WDFY3: variants seen among roughly 807,000 people sequenced by gnomAD.
The protein encoded by WDFY3 is WD repeat and FYVE domain-containing protein 3.
In WDFY3, 66 loss-of-function variants were observed where a neutral mutation model predicts 409.6. The observed-to-expected ratio is 0.16, with a 90% confidence interval of 0.13 to 0.20. The LOEUF (loss-of-function observed/expected upper bound fraction) is 0.20. Ranked by LOEUF, WDFY3 falls within the 10% of genes least tolerant of loss-of-function variation. The pLI is 1.00. For synonymous variants in WDFY3, 1,521 were observed against 1,537.1 expected (o/e 0.99, Z 0.25); for missense variants, 3,031 against 4,298.1 (o/e 0.71, Z 8.24).
chr4:84,787,623 C>T lies in WDFY3; in HGVS notation c.3760G>A (p.Ala1254Thr), dbSNP rs2149524951. 6.2e-7 allele frequency: 1 copy of T among 1,614,162 alleles called. No homozygotes were observed. The highest frequency in any genetic ancestry group is 1.3e-5 in the African/African-American group (1 of 75,032). ...TVYAYIGTPP[A>T]QRQIASLVWR... ...ACCAATGAGGCAATTTGGCGTTGGGCAGGTGGAGTACCAATGTAGGCATAG... is the reference window on the plus strand; with the variant it reads ...ACCAATGAGGCAATTTGGCGTTGGGTAGGTGGAGTACCAATGTAGGCATAG... The change falls in exon 23 of 68, where the codon GCC becomes ACC. Residue 1254 changes from alanine to threonine, a missense_variant. By Grantham distance (58) the Ala-to-Thr change is moderately conservative. Transcript: ENST00000295888.
rs1428081575 is a variant in WDFY3 at position 84,774,990 on chromosome 4, G to C, written c.4593-9C>G. ...CATTCTTTGAGGCTTCACTATAAGAGAAAGAAGATTTTATACACTGTACTA... is the reference window on the plus strand; with the variant it reads ...CATTCTTTGAGGCTTCACTATAAGACAAAGAAGATTTTATACACTGTACTA... On this transcript the variant is annotated splice_polypyrimidine_tract_variant and intron_variant, in intron 28 of 67. Coordinates refer to ENST00000295888, the MANE Select transcript of WDFY3 (RefSeq NM_014991.6). 1.2e-6 allele frequency: 2 copies of C among 1,613,404 alleles called. No individual in the cohort carries two copies. The highest frequency in any genetic ancestry group is 1.7e-6 in the Non-Finnish European group (2 of 1,179,744).
chr4:84,729,373 T>C (rs2149137324), intron 44 of WDFY3, among the ~76,000 whole-genome samples: 1 of 152,114 alleles, frequency 6.6e-6, no homozygotes. Flanking sequence ...TATAGTATAA[T>C]TCATTTGTTT....
intron 21 of WDFY3, among the ~76,000 whole-genome samples, chr4:84,791,196 T>C (rs971596829): frequency 3.9e-5 from 6 of 152,204 alleles, no homozygotes; most frequent in Admixed American, 2.0e-4. Context: ...ATGTGGTACA[T>C]ATATACAATG....
chr4:84,766,466 CT>C, intron 30 of WDFY3, 94 bp from the exon 31 acceptor site: 1 of 1,260,764 alleles, frequency 7.9e-7, no homozygotes, highest in Non-Finnish European at 1.1e-6. Flanking sequence ...AAAAATATAT[CT>C]TTTAGAAAAC....
intron 67 of WDFY3, among the ~76,000 whole-genome samples, chr4:84,676,220 A>G (rs980146491): frequency 6.6e-6 from 1 of 151,456 alleles, no homozygotes; most frequent in Admixed American, 6.6e-5. Context: ...CTCCTCAAGG[A>G]AAAAAAAAGG....
intron 2 of WDFY3, among the ~76,000 whole-genome samples, chr4:84,924,433 T>C (rs906261528): frequency 1.3e-5 from 2 of 152,226 alleles, no homozygotes; most frequent in Non-Finnish European, 2.9e-5. Flanking sequence ...ACAATAACCC[T>C]GTGTGAAGAA....
chr4:84,741,675 T>C, intron 38 of WDFY3, 86 bp downstream of exon 38: 1 of 1,327,190 alleles, frequency 7.5e-7, no homozygotes, highest in African/African-American at 1.5e-5. Context: ...CATTATCTTA[T>C]TAGTTATATT....
chr4:84,708,833 A>G, intron 53 of WDFY3, 76 bp downstream of exon 53: 2 of 1,525,800 alleles, frequency 1.3e-6, no homozygotes, highest in Non-Finnish European at 1.8e-6. Flanking sequence ...GAGCCACTGC[A>G]CCCCACTTCA....
chr4:84,718,967 G>A (rs369684955), intron 47 of WDFY3, among the ~76,000 whole-genome samples: 2 of 152,190 alleles, frequency 1.3e-5, no homozygotes, highest in African/African-American at 4.8e-5. Context: ...TGTGAGGCAA[G>A]ATGATACAGA....
At chr4:84,942,431 A>C (rs1202196355) in intron 1 of WDFY3, among the ~76,000 whole-genome samples, 1 of 152,226 alleles carries the variant, frequency 6.6e-6, no homozygotes, top group African/African-American at 2.4e-5. Flanking sequence ...ATGAAAGCTC[A>C]CTACCATTAT....
At position 84,677,322 on chromosome 4, in the gene WDFY3, C is replaced by T. The variant is rs369567418; in HGVS notation, c.10334G>A (p.Arg3445His). Reference protein sequence around the residue: ...FSWSVSDQPGRSAADHWVKDE... With the variant: ...FSWSVSDQPGHSAADHWVKDE... The stretch of plus-strand genomic sequence containing the variant: ...CTTCACCCAGTGATCAGCAGCAGAA[C>T]GGCCTGGCTGGTCACTCACAGACCA... The change falls in exon 67 of 68, where the codon CGT becomes CAT. Residue 3445 changes from arginine (R) to histidine (H), a missense_variant. Physicochemically the swap from Arg to His is conservative, Grantham distance 29. This residue lies in a region of WDFY3 where 378 missense variants were observed against 477.3 expected (regional missense o/e 0.79). Coordinates refer to ENST00000295888, the MANE Select transcript of WDFY3 (RefSeq NM_014991.6). 1.6e-5 allele frequency: 26 copies of T among 1,614,076 alleles called. No individual in the cohort carries two copies. The highest frequency in any genetic ancestry group is 4.0e-5 in the African/African-American group (3 of 74,920).
chr4:84,772,898 T>G lies in WDFY3; in HGVS notation c.4786A>C (p.Thr1596Pro). The change falls in exon 30 of 68, where the codon ACC becomes CCC. Residue 1596 changes from threonine (T) to proline (P), a missense_variant. Thr to Pro is a conservative substitution (Grantham distance 38). Transcript: ENST00000295888. ...ACAAATTTCTCACAAACCGCAAAGGTTGGCAAAGTAGAAGAAATAAACTGC... is the reference window on the plus strand; with the variant it reads ...ACAAATTTCTCACAAACCGCAAAGGGTGGCAAAGTAGAAGAAATAAACTGC... The part of the protein sequence containing the change: ...FGQFISSTLP[T>P]FAVCEKFVVM... The G allele has an allele frequency of 1.9e-6, 3 of 1,608,284 alleles. No individual in the cohort carries two copies. The highest frequency in any genetic ancestry group is 1.3e-5 in the African/African-American group (1 of 74,670).
chr4:84,808,184 AC>A (rs1048749127), intron 15 of WDFY3, 149 bp downstream of exon 15: 12 of 577,040 alleles, frequency 2.1e-5, no homozygotes, highest in Admixed American at 1.3e-4. Context: ...ATCTAAAAAC[AC>A]CCCCCAAAAC....
rs563291808 is a variant in WDFY3 at position 84,888,718 on chromosome 4, A to C, written c.-32+8193T>G. The stretch of plus-strand genomic sequence containing the variant: ...AGCTTGTACCAGCTTATGAGAGCCG[A>C]TGGCTAAATTTTCAGAAATTTTGGA... On this transcript the variant is annotated intron_variant, in intron 3 of 67. Coordinates refer to ENST00000295888, the MANE Select transcript of WDFY3 (RefSeq NM_014991.6). 8.5e-5 allele frequency among the ~76,000 whole-genome samples: 13 copies of C among 152,306 alleles called. No homozygotes were observed. The South Asian group carries it at 2.7e-3, about 32-fold the overall frequency.
chr4:84,726,753 C>A, intron 45 of WDFY3, 108 bp downstream of exon 45: 2 of 944,700 alleles, frequency 2.1e-6, no homozygotes, highest in South Asian at 1.8e-5. Context: ...AAATTGAAAG[C>A]CAATCTTTTA....
chr4:84,794,392 GTAAC>G (rs1298350043), intron 21 of WDFY3, 123 bp downstream of exon 21: 11 of 958,974 alleles, frequency 1.1e-5, no homozygotes, highest in Non-Finnish European at 1.7e-5. Context: ...AATGTTTTAT[GTAAC>G]TTGTTCTATG....
intron 8 of WDFY3, among the ~76,000 whole-genome samples, chr4:84,829,905 T>A (rs1034958090): frequency 1.6e-4 from 25 of 151,702 alleles, no homozygotes; most frequent in Non-Finnish European, 3.4e-4. Context: ...TACAATTTTT[T>A]AAATTTTATT....
chr4:84,801,065 G>T (rs1439774928), intron 17 of WDFY3, among the ~76,000 whole-genome samples: 1 of 151,986 alleles, frequency 6.6e-6, no homozygotes, highest in Non-Finnish European at 1.5e-5. Context: ...TAGGGGAGTG[G>T]GTATGACAAT....
At chr4:84,897,518 G>C (rs1400949908) in intron 2 of WDFY3, among the ~76,000 whole-genome samples, 6 of 152,194 alleles carry the variant, frequency 3.9e-5, no homozygotes, top group African/African-American at 1.4e-4. Flanking sequence ...GAGTAGCTGG[G>C]ATTACAGGTG....
Sources: allele counts gnomAD v4.1 joint callset (sites outside exome capture counted in the v4.1 genomes callset), GRCh38; gene constraint gnomAD v4.1.1; regional missense constraint gnomAD v4.1.1; transcripts MANE v1.5; gene names NCBI Gene and HGNC (gene_info 2026-07-23, HGNC 2026-07-21).